Variants in GRIA4 observed in about 807,000 individuals in gnomAD.
GRIA4 encodes glutamate ionotropic receptor AMPA type subunit 4.
GRIA4 carries 34 observed loss-of-function variants against 104.0 expected under a neutral mutation model. That is an observed-to-expected ratio of 0.33 (90% CI 0.25 to 0.44). The LOEUF (loss-of-function observed/expected upper bound fraction) is 0.44. Among genes scored for constraint, GRIA4 ranks in the 20% least tolerant of loss-of-function variants. The pLI, the probability that GRIA4 is intolerant of heterozygous loss-of-function variation, is 1.00. For synonymous variants in GRIA4, 386 were observed against 381.9 expected (o/e 1.01, Z -0.13); for missense variants, 750 against 1,096.5 (o/e 0.68, Z 4.46).
chr11:105,766,321 T>A (rs1345538007), intron 4 of GRIA4, among the ~76,000 whole-genome samples: 4 of 152,134 alleles, frequency 2.6e-5, no homozygotes, highest in Non-Finnish European at 5.9e-5. Flanking sequence ...AGAAAATTAT[T>A]CCCCAAAGGC....
chr11:105,719,990 A>G (rs939258915), intron 3 of GRIA4, among the ~76,000 whole-genome samples: 3 of 151,778 alleles, frequency 2.0e-5, no homozygotes, highest in East Asian at 1.9e-4. Context: ...AGTACTAATT[A>G]TTGTATTTTA....
At chr11:105,958,800 C>T (rs1948658588) in intron 14 of GRIA4, among the ~76,000 whole-genome samples, 2 of 152,084 alleles carry the variant, frequency 1.3e-5, no homozygotes, top group Non-Finnish European at 2.9e-5. Flanking sequence ...TGCAACGCAG[C>T]CCTGGTAGTA....
At chr11:105,848,991 G>A (rs1944698130) in intron 4 of GRIA4, among the ~76,000 whole-genome samples, 1 of 152,040 alleles carries the variant, frequency 6.6e-6, no homozygotes, top group Admixed American at 6.6e-5. Flanking sequence ...TCAGGAGTTC[G>A]AGACCACCCT....
intron 3 of GRIA4, among the ~76,000 whole-genome samples, chr11:105,674,897 C>A (rs916395750): frequency 4.6e-5 from 7 of 151,884 alleles, no homozygotes; most frequent in African/African-American, 1.7e-4. Context: ...AGTGATAGCC[C>A]ATCATCTTAC....
At chr11:105,615,299 A>G (rs1950573396) in intron 3 of GRIA4, among the ~76,000 whole-genome samples, 2 of 151,908 alleles carry the variant, frequency 1.3e-5, no homozygotes, top group Admixed American at 1.3e-4. Flanking sequence ...AACATAAACT[A>G]TTCTGTGTAT....
rs141837824 is a variant in GRIA4 at position 105,744,391 on chromosome 11, C to T, written c.248-8590C>T. Among the ~76,000 whole-genome samples, 1,447 of 152,216 alleles carry T rather than the reference C, an allele frequency of 9.5e-3. 31 individuals carry two copies. The highest frequency in any genetic ancestry group is 0.033 in the African/African-American group (1,379 of 41,514). On this transcript the variant is annotated intron_variant, in intron 3 of 16. Coordinates refer to ENST00000282499, the MANE Select transcript of GRIA4 (RefSeq NM_000829.4). ...ACTAATAAGCACACTTTTGATACAA[C>T]CTTAAACAATTTGCCCCAAACCAAG...
chr11:105,673,850 T>C (rs1030677708), intron 3 of GRIA4, among the ~76,000 whole-genome samples: 101 of 152,164 alleles, frequency 6.6e-4, no homozygotes, highest in African/African-American at 2.3e-3. Flanking sequence ...AGAAATTTTA[T>C]CATTGATAAG....
chr11:105,945,851 A>G (rs1183760766), intron 14 of GRIA4, among the ~76,000 whole-genome samples: 5 of 152,214 alleles, frequency 3.3e-5, no homozygotes, highest in African/African-American at 7.2e-5. Flanking sequence ...TAAAATATAC[A>G]TAGTTACTAT....
At chr11:105,887,650 G>C (rs1946314197) in intron 6 of GRIA4, 78 bp downstream of exon 6, 1 of 739,734 alleles carries the variant, frequency 1.4e-6, no homozygotes, top group Non-Finnish European at 2.4e-6. Context: ...CTTAAATAAT[G>C]CTTCAATAAA....
At chr11:105,898,114 G>T (rs562353870) in intron 6 of GRIA4, among the ~76,000 whole-genome samples, 155 bp from the exon 7 acceptor site, 32 of 152,224 alleles carry the variant, frequency 2.1e-4, no homozygotes, top group African/African-American at 7.5e-4. Context: ...GACATAATTA[G>T]ATTTTCCACA....
At chr11:105,889,846 G>A (rs1183874543) in intron 6 of GRIA4, among the ~76,000 whole-genome samples, 1 of 152,108 alleles carries the variant, frequency 6.6e-6, no homozygotes, top group Non-Finnish European at 1.5e-5. Flanking sequence ...ATATACAACA[G>A]TTTATTGTAT....
chr11:105,663,193 T>C (rs536617914), intron 3 of GRIA4, among the ~76,000 whole-genome samples: 2 of 151,946 alleles, frequency 1.3e-5, no homozygotes, highest in Non-Finnish European at 1.5e-5. Context: ...AGTTCATTGA[T>C]TTACTCAAGC....
At chr11:105,641,119 A>G (rs1383143240) in intron 3 of GRIA4, among the ~76,000 whole-genome samples, 1 of 152,176 alleles carries the variant, frequency 6.6e-6, no homozygotes, top group Non-Finnish European at 1.5e-5. Flanking sequence ...TGAAGAAAGT[A>G]AAAGTAAAAT....
intron 4 of GRIA4, among the ~76,000 whole-genome samples, chr11:105,811,743 A>T (rs1943180863): frequency 6.6e-6 from 1 of 152,198 alleles, no homozygotes; most frequent in Admixed American, 6.5e-5. Flanking sequence ...ATTCAAATTC[A>T]CCTGAGCATC....
At chr11:105,723,575 C>G (rs993886761) in intron 3 of GRIA4, among the ~76,000 whole-genome samples, 1 of 152,008 alleles carries the variant, frequency 6.6e-6, no homozygotes, top group Non-Finnish European at 1.5e-5. Flanking sequence ...TTCTTACTTC[C>G]CTACTAATTT....
At chr11:105,812,028 T>C (rs1233696338) in intron 4 of GRIA4, among the ~76,000 whole-genome samples, 6 of 152,206 alleles carry the variant, frequency 3.9e-5, no homozygotes, top group African/African-American at 1.4e-4. Context: ...ATTACTGCAC[T>C]CAGGGCGGGT....
intron 4 of GRIA4, among the ~76,000 whole-genome samples, chr11:105,852,608 G>A (rs1185355922): frequency 1.3e-5 from 2 of 152,100 alleles, no homozygotes; most frequent in Non-Finnish European, 2.9e-5. Context: ...AATCACCTCA[G>A]TGTCATTTCT....
At chr11:105,677,550 A>G (rs1952577936) in intron 3 of GRIA4, among the ~76,000 whole-genome samples, 2 of 152,038 alleles carry the variant, frequency 1.3e-5, no homozygotes, top group South Asian at 4.1e-4. Context: ...TCTATCTCCT[A>G]CCAAAAAAGA....
chr11:105,841,636 G>C (rs1443825504), intron 4 of GRIA4, among the ~76,000 whole-genome samples: 1 of 152,094 alleles, frequency 6.6e-6, no homozygotes, highest in Non-Finnish European at 1.5e-5. Context: ...AGATTGAGAT[G>C]GTGGTTATAG....
Sources: gnomAD v4.1 joint callset for allele counts (sites outside exome capture counted in the v4.1 genomes callset) on GRCh38, gnomAD v4.1.1 for gene constraint, MANE v1.5 for transcripts, NCBI Gene and HGNC (gene_info 2026-07-23, HGNC 2026-07-21) for gene names.